Variants in PCSK2 observed in about 807,000 individuals in gnomAD.
PCSK2 encodes the protein neuroendocrine convertase 2.
A neutral mutation model predicts 69.7 loss-of-function variants in PCSK2; 14 were observed. The observed-to-expected ratio is 0.20, with a 90% CI of 0.13 to 0.31. PCSK2 has a LOEUF of 0.31. PCSK2 is among the 10% of genes least tolerant of loss of function. The probability of loss-of-function intolerance (pLI) is 1.00; values close to 1 mark genes in which losing one functional copy is unlikely to be tolerated. For missense variants in PCSK2, 544 were observed against 842.5 expected, an observed-to-expected ratio of 0.65 and a Z score of 4.39; for synonymous variants, 307 against 320.7, an observed-to-expected ratio of 0.96 and a Z score of 0.46.
At chr20:17,433,509 A>G (rs1375322407) in intron 7 of PCSK2, among the ~76,000 whole-genome samples, 2 of 152,228 alleles carry the variant, frequency 1.3e-5, no homozygotes, top group African/African-American at 4.8e-5. Context: ...CTTGTGCAAC[A>G]GGAGCAGAGG....
At chr20:17,355,850 G>T (rs544836268) in intron 2 of PCSK2, among the ~76,000 whole-genome samples, 11 of 152,208 alleles carry the variant, frequency 7.2e-5, no homozygotes, top group Non-Finnish European at 5.9e-5. Context: ...GAGACACAGG[G>T]CTCCTCAAAT....
chr20:17,249,632 A>C (rs1226087971), intron 1 of PCSK2, among the ~76,000 whole-genome samples: 1 of 152,202 alleles, frequency 6.6e-6, no homozygotes, highest in Non-Finnish European at 1.5e-5. Flanking sequence ...GGATAAACCA[A>C]ATGTGGTATA....
At chr20:17,358,537 G>A in intron 3 of PCSK2, 97 bp downstream of exon 3, 2 of 722,140 alleles carry the variant, frequency 2.8e-6, no homozygotes, top group Middle Eastern at 4.8e-4. Flanking sequence ...ATGTTAGCCA[G>A]TATCCAACCC....
intron 2 of PCSK2, among the ~76,000 whole-genome samples, chr20:17,266,160 G>C (rs1464656266): frequency 1.3e-5 from 2 of 152,178 alleles, no homozygotes; most frequent in Non-Finnish European, 2.9e-5. Context: ...AAAAAGAAGA[G>C]GGAAATAAAA....
chr20:17,469,649 AC>A, intron 11 of PCSK2, among the ~76,000 whole-genome samples: 4 of 152,182 alleles, frequency 2.6e-5, no homozygotes, highest in Non-Finnish European at 5.9e-5. Flanking sequence ...CATGACCTTG[AC>A]CTTAATCAGC....
chr20:17,343,431 C>A (rs1474100669), intron 2 of PCSK2, among the ~76,000 whole-genome samples: 1 of 152,220 alleles, frequency 6.6e-6, no homozygotes. Flanking sequence ...TGAAACAGGG[C>A]TGCTTCATCC....
At chr20:17,446,007 G>A (rs1237487556) in intron 8 of PCSK2, among the ~76,000 whole-genome samples, 1 of 152,180 alleles carries the variant, frequency 6.6e-6, no homozygotes, top group Non-Finnish European at 1.5e-5. Flanking sequence ...CCTCAATCCT[G>A]GGCAAACCAA....
rs77173099 is a variant in PCSK2 at position 17,460,061 on chromosome 20, C to T, written c.1202+3613C>T. On this transcript the variant is annotated intron_variant, in intron 10 of 11. Coordinates refer to ENST00000262545, the MANE Select transcript of PCSK2 (RefSeq NM_002594.5). ...GGAACCCAGGGCTGGTTTAGGGTAC[C>T]GGGGTACCATTGTGAATCAGGGAAT... Among the ~76,000 whole-genome samples the T allele has an allele frequency of 2.9e-3, 441 of 152,234 alleles. 2 individuals carry two copies. The highest frequency in any genetic ancestry group is 0.01 in the Middle Eastern group (3 of 292).
intron 2 of PCSK2, among the ~76,000 whole-genome samples, chr20:17,344,717 C>T (rs1035645825): frequency 5.3e-5 from 8 of 151,966 alleles, no homozygotes; most frequent in African/African-American, 1.9e-4. Context: ...TGGGTGTATC[C>T]CTCCATGCCA....
rs144244497 is a variant in PCSK2 at position 17,481,806 on chromosome 20, G to A, written c.1653G>A (p.Lys551=). ...ACGACTCCAAGGTGGGCTTTGACAA[G>A]TGGCCTTTCATGACCACTCACACGT... The part of the protein sequence containing the change: ...RDDDSKVGFD[K]WPFMTTHTWG... Residue 551 remains lysine (K), a synonymous_variant, in exon 12 of 12, where the codon AAG becomes AAA. Transcript: ENST00000262545. 1.2e-6 allele frequency: 2 copies of A among 1,614,064 alleles called. No homozygotes were observed. The highest frequency in any genetic ancestry group is 1.3e-5 in the African/African-American group (1 of 74,920).
chr20:17,414,997 A>G (rs2031967453), intron 6 of PCSK2, among the ~76,000 whole-genome samples: 1 of 152,228 alleles, frequency 6.6e-6, no homozygotes, highest in Admixed American at 6.5e-5. Context: ...CCTTCATGCT[A>G]AAAACTCTCA....
At chr20:17,471,336 C>T (rs1281224776) in intron 11 of PCSK2, among the ~76,000 whole-genome samples, 1 of 152,200 alleles carries the variant, frequency 6.6e-6, no homozygotes, top group East Asian at 1.9e-4. Context: ...TATCCAGGAA[C>T]TTTATGCAAG....
At chr20:17,270,705 A>G (rs983229423) in intron 2 of PCSK2, among the ~76,000 whole-genome samples, 1 of 152,160 alleles carries the variant, frequency 6.6e-6, no homozygotes, top group Non-Finnish European at 1.5e-5. Context: ...AGGACAACTT[A>G]GAGAATCAAC....
At chr20:17,270,415 A>G (rs1568577942) in intron 2 of PCSK2, among the ~76,000 whole-genome samples, 1 of 152,114 alleles carries the variant, frequency 6.6e-6, no homozygotes, top group Non-Finnish European at 1.5e-5. Context: ...AGGAGAGGAT[A>G]ACAGTGCAGC....
At chr20:17,418,121 G>C (rs1826276374) in intron 6 of PCSK2, among the ~76,000 whole-genome samples, 1 of 152,178 alleles carries the variant, frequency 6.6e-6, no homozygotes, top group Non-Finnish European at 1.5e-5. Context: ...GACAGCTAAT[G>C]CAAGTTGAAC....
At chr20:17,369,102 G>A in intron 4 of PCSK2, 138 bp from the exon 5 acceptor site, 1 of 713,948 alleles carries the variant, frequency 1.4e-6, no homozygotes, top group East Asian at 2.7e-5. Flanking sequence ...ACTGGGAGCT[G>A]TGTGATGGGG....
chr20:17,465,477 A>T lies in PCSK2; in HGVS notation c.1354A>T (p.Met452Leu). Reference protein sequence around the residue: ...FGYGVLDAGAMVKMAKDWKTV... With the variant: ...FGYGVLDAGALVKMAKDWKTV... ...CTACGGGGTCCTTGATGCAGGTGCC[A>T]TGGTGAAAATGGCTAAAGACTGGAA... Residue 452 changes from methionine (M) to leucine (L), a missense_variant, in exon 11 of 12, where the codon ATG becomes TTG. Coordinates refer to ENST00000262545, the MANE Select transcript of PCSK2 (RefSeq NM_002594.5). 1.2e-6 allele frequency: 2 copies of T among 1,614,066 alleles called. No individual in the cohort carries two copies. Among genetic ancestry groups the T allele is most frequent in the Non-Finnish European group, 1.7e-6 (2 of 1,179,980 alleles).
chr20:17,362,906 G>T (rs2123218385), intron 4 of PCSK2, among the ~76,000 whole-genome samples: 1 of 152,340 alleles, frequency 6.6e-6, no homozygotes, highest in Admixed American at 6.5e-5. Flanking sequence ...GTGAGGACAA[G>T]GACAGATGCT....
intron 9 of PCSK2, among the ~76,000 whole-genome samples, chr20:17,454,970 G>C (rs925896249): frequency 1.3e-5 from 2 of 152,132 alleles, no homozygotes; most frequent in Non-Finnish European, 2.9e-5. Flanking sequence ...ATTCCCCCTT[G>C]GTCTTGGGGA....
Sources: gnomAD v4.1 joint callset for allele counts (sites outside exome capture counted in the v4.1 genomes callset) on GRCh38, gnomAD v4.1.1 for gene constraint, MANE v1.5 for transcripts, NCBI Gene and HGNC (gene_info 2026-07-23, HGNC 2026-07-21) for gene names.